MYRIP: variants seen among roughly 807,000 people sequenced by gnomAD.
The protein encoded by MYRIP is myosin VIIA and Rab interacting protein.
MYRIP carries 49 observed loss-of-function variants against 98.0 expected under a neutral mutation model. The ratio of observed to expected loss-of-function variants is 0.50; its 90% CI spans 0.40 to 0.63. MYRIP has a LOEUF of 0.63. Among genes scored for constraint, MYRIP ranks in the 30% least tolerant of loss-of-function variants. The pLI is 0.00. For synonymous variants in MYRIP, 404 were observed against 409.5 expected (o/e 0.99, Z 0.16); for missense variants, 1,004 against 1,058.2 (o/e 0.95, Z 0.71).
intron 11 of MYRIP, among the ~76,000 whole-genome samples, chr3:40,223,993 T>C (rs1221682253): frequency 6.6e-6 from 1 of 152,006 alleles, no homozygotes; most frequent in Non-Finnish European, 1.5e-5. Context: ...AAGGAAGGGC[T>C]TTCCAGGCAG....
intron 2 of MYRIP, among the ~76,000 whole-genome samples, chr3:40,042,798 A>T (rs1027636002): frequency 6.6e-6 from 1 of 152,218 alleles, no homozygotes; most frequent in East Asian, 1.9e-4. Flanking sequence ...AACCCATCAT[A>T]AGTTGAAACT....
At chr3:39,907,737 C>A (rs1313930076) in intron 2 of MYRIP, among the ~76,000 whole-genome samples, 1 of 152,128 alleles carries the variant, frequency 6.6e-6, no homozygotes, top group Non-Finnish European at 1.5e-5. Context: ...ATGCCCCAAC[C>A]TTTGACTTGT....
chr3:40,056,749 T>TA (rs1350302323), intron 3 of MYRIP, among the ~76,000 whole-genome samples: 2 of 147,468 alleles, frequency 1.4e-5, no homozygotes, highest in African/African-American at 5.1e-5. Flanking sequence ...AGCTTTAGTT[T>TA]AATAGATGGA....
At chr3:40,039,832 G>A (rs947965981) in intron 2 of MYRIP, among the ~76,000 whole-genome samples, 1 of 151,656 alleles carries the variant, frequency 6.6e-6, no homozygotes. Flanking sequence ...TCCCTCTTCT[G>A]TAGGTCAGAA....
At chr3:39,880,126 A>G (rs1240414283) in intron 1 of MYRIP, among the ~76,000 whole-genome samples, 1 of 152,104 alleles carries the variant, frequency 6.6e-6, no homozygotes, top group Non-Finnish European at 1.5e-5. Flanking sequence ...TTACATATGT[A>G]TACATGTGCC....
rs533423220 is a variant in MYRIP at position 40,158,345 on chromosome 3, G to A, written c.470-4385G>A. Among the ~76,000 whole-genome samples the A allele has an allele frequency of 2.3e-3, 356 of 152,198 alleles. 4 individuals are homozygous for A. The highest frequency in any genetic ancestry group is 7.8e-4 in the Non-Finnish European group (53 of 68,004). ...TAATCCTGAGTTCTAGTTTGATTGC[G>A]CTGTGGTCTGAGAGACTGTTTGTTA... On this transcript the variant is annotated intron_variant, in intron 4 of 16. Coordinates refer to ENST00000302541, the MANE Select transcript of MYRIP (RefSeq NM_015460.4).
intron 3 of MYRIP, among the ~76,000 whole-genome samples, chr3:40,097,334 G>A (rs192549191): frequency 1.3e-5 from 2 of 152,294 alleles, no homozygotes; most frequent in East Asian, 3.9e-4. Context: ...ATCCAGGTAT[G>A]TTGGCTCCAG....
intron 1 of MYRIP, among the ~76,000 whole-genome samples, chr3:39,850,764 CA>C (rs1170430129): frequency 6.6e-6 from 1 of 152,080 alleles, no homozygotes. Flanking sequence ...AGCCAGCTGC[CA>C]GCTCTTATAT....
rs561464603 is a variant in MYRIP, at chr3:39,995,835, C to T, written c.111-48215C>T. Among the ~76,000 whole-genome samples, 19 of 152,328 alleles carry T rather than the reference C, an allele frequency of 1.2e-4. No homozygotes were observed. In the South Asian group the frequency reaches 3.7e-3, roughly 30 times the overall value. Reference sequence around the variant, plus strand: ...GAAGCCCATCAGACTAACAGCTGATCTCTTCGCAGAAACTCTACAAGCCAG... The same window carrying T: ...GAAGCCCATCAGACTAACAGCTGATTTCTTCGCAGAAACTCTACAAGCCAG... On this transcript the variant is annotated intron_variant, in intron 2 of 16. Coordinates refer to ENST00000302541, the MANE Select transcript of MYRIP (RefSeq NM_015460.4).
chr3:39,906,567 A>G (rs1001241615), intron 2 of MYRIP, among the ~76,000 whole-genome samples: 8 of 152,190 alleles, frequency 5.3e-5, no homozygotes, highest in Admixed American at 3.9e-4. Context: ...CCAGTAATGA[A>G]ATATATCATC....
chr3:40,151,001 C>T (rs1236850530), intron 3 of MYRIP, 47 bp from the exon 4 acceptor site: 1 of 1,483,982 alleles, frequency 6.7e-7, no homozygotes, highest in East Asian at 2.5e-5. Flanking sequence ...TTGCAATTCA[C>T]CATTTAATAA....
At chr3:40,239,525 CA>C (rs1347255281) in intron 12 of MYRIP, among the ~76,000 whole-genome samples, 2 of 136,530 alleles carry the variant, frequency 1.5e-5, no homozygotes, top group Non-Finnish European at 3.0e-5. Context: ...GTCCCACCAA[CA>C]GTGTAAAAGT....
At chr3:40,154,578 C>A (rs546872362) in intron 4 of MYRIP, among the ~76,000 whole-genome samples, 6 of 152,270 alleles carry the variant, frequency 3.9e-5, no homozygotes, top group African/African-American at 1.4e-4. Context: ...TTCTGGGATA[C>A]ATCTGCAGGA....
chr3:40,034,773 C>T (rs1247005773), intron 2 of MYRIP, among the ~76,000 whole-genome samples: 1 of 151,806 alleles, frequency 6.6e-6, no homozygotes, highest in Non-Finnish European at 1.5e-5. Context: ...CACATGCACA[C>T]GTATGTTTGT....
At chr3:40,037,741 A>C (rs1037209723) in intron 2 of MYRIP, among the ~76,000 whole-genome samples, 1 of 152,070 alleles carries the variant, frequency 6.6e-6, no homozygotes, top group Admixed American at 6.6e-5. Context: ...TCACATGTGA[A>C]ATGTAGATTT....
chr3:40,154,784 G>A lies in MYRIP; in HGVS notation c.469+3600G>A, dbSNP rs143212885. Among the ~76,000 whole-genome samples the A allele has an allele frequency of 3.9e-5, 6 of 152,140 alleles. No individual in the cohort carries two copies. The East Asian group carries it at 1.2e-3, about 29-fold the overall frequency. Reference sequence around the variant, plus strand: ...GTCACTGTTCAGCTGCCATTTATGAGAACAGAGAACACAATATGACATTTT... The same window carrying A: ...GTCACTGTTCAGCTGCCATTTATGAAAACAGAGAACACAATATGACATTTT... On this transcript the variant is annotated intron_variant, in intron 4 of 16. Coordinates refer to ENST00000302541, the MANE Select transcript of MYRIP (RefSeq NM_015460.4).
intron 1 of MYRIP, among the ~76,000 whole-genome samples, chr3:39,886,446 C>G (rs1181283840): frequency 1.3e-5 from 2 of 148,802 alleles, no homozygotes; most frequent in African/African-American, 4.9e-5. Context: ...GGAAACCCAT[C>G]TCACGTGCAG....
intron 10 of MYRIP, among the ~76,000 whole-genome samples, chr3:40,207,733 A>G (rs907016707): frequency 6.6e-6 from 1 of 152,234 alleles, no homozygotes; most frequent in African/African-American, 2.4e-5. Context: ...TGAAAAGACC[A>G]TACTTCTTTT....
At chr3:40,183,131 C>T (rs61588158) in intron 9 of MYRIP, among the ~76,000 whole-genome samples, 2,309 of 152,246 alleles carry the variant, frequency 0.015, 60 homozygotes, top group African/African-American at 0.051. Flanking sequence ...TATCTCAGCA[C>T]GGAGAGCTCA....
Sources: allele counts gnomAD v4.1 joint callset (sites outside exome capture counted in the v4.1 genomes callset), GRCh38; gene constraint gnomAD v4.1.1; transcripts MANE v1.5; gene names NCBI Gene and HGNC (gene_info 2026-07-23, HGNC 2026-07-21).